Variants in SUCLG2 observed in about 807,000 individuals in gnomAD.
SUCLG2 encodes succinate-CoA ligase GDP-forming subunit beta, also known as succinate--CoA ligase [GDP-forming] subunit beta, mitochondrial.
Under a neutral mutation model 47.9 loss-of-function variants are expected in SUCLG2, and 42 were observed. That is an observed-to-expected ratio of 0.88 (90% CI 0.69 to 1.14). SUCLG2 has a LOEUF of 1.14. SUCLG2 is among the 50% of genes most tolerant of loss of function. SUCLG2 has a pLI of 0.00. For synonymous variants in SUCLG2, 195 were observed against 197.3 expected, an observed-to-expected ratio of 0.99 and a Z score of 0.10; for missense variants, 571 against 525.9, an observed-to-expected ratio of 1.09 and a Z score of -0.84.
chr3:67,491,230 G>GA (rs533129424), intron 9 of SUCLG2, among the ~76,000 whole-genome samples: 1,150 of 64,118 alleles, frequency 0.018, 9 homozygotes, highest in African/African-American at 0.028. Flanking sequence ...TAAGTCAGAA[G>GA]AAAAAAAAAA....
chr3:67,505,418 C>T (rs1196171455), intron 7 of SUCLG2, among the ~76,000 whole-genome samples: 1 of 152,142 alleles, frequency 6.6e-6, no homozygotes, highest in East Asian at 1.9e-4. Flanking sequence ...AACTACATTG[C>T]AGTTAGTAGT....
intron 2 of SUCLG2, among the ~76,000 whole-genome samples, chr3:67,542,234 T>C (rs1278216309): frequency 6.6e-6 from 1 of 152,104 alleles, no homozygotes; most frequent in East Asian, 1.9e-4. Flanking sequence ...CAAACTAAGT[T>C]TCATAAACGA....
chr3:67,492,980 A>G (rs1336835162), intron 9 of SUCLG2, among the ~76,000 whole-genome samples: 3 of 152,228 alleles, frequency 2.0e-5, no homozygotes, highest in Non-Finnish European at 4.4e-5. Context: ...GCAGTTGTAA[A>G]TATCAGTTGA....
intron 9 of SUCLG2, among the ~76,000 whole-genome samples, chr3:67,454,821 G>C (rs542004362): frequency 5.0e-4 from 76 of 152,016 alleles, no homozygotes; most frequent in Non-Finnish European, 9.9e-4. Flanking sequence ...AATTAGCCGG[G>C]CATGGTAGTG....
chr3:67,508,893 T>C lies in SUCLG2; in HGVS notation c.671A>G (p.Gln224Arg). Residue 224 changes from glutamine (Q) to arginine (R), a missense_variant, in exon 7 of 11, where the codon CAA becomes CGA. By Grantham distance (43) the Gln-to-Arg change is conservative. Transcript: ENST00000307227. Reference sequence around the variant, plus strand: ...GAAGAGATTATACAGCTTCGTAATTTGATCTGCAGCCTAAATGTGATCAAG... The same window carrying C: ...GAAGAGATTATACAGCTTCGTAATTCGATCTGCAGCCTAAATGTGATCAAG... Reference protein sequence around the residue: ...VGPLKSQAADQITKLYNLFLK... With the variant: ...VGPLKSQAADRITKLYNLFLK... The C allele has an allele frequency of 1.9e-6, 3 of 1,609,938 alleles. No homozygotes were observed. The highest frequency in any genetic ancestry group is 2.5e-6 in the Non-Finnish European group (3 of 1,178,378).
chr3:67,406,210 C>G lies in SUCLG2; in HGVS notation c.1063-5359G>C, dbSNP rs558128142. The stretch of plus-strand genomic sequence containing the variant: ...TCAGCTCTTTTTATTCAACATGATC[C>G]TGAGTCCCCTTAATGAAATAAAAAT... On this transcript the variant is annotated intron_variant, in intron 9 of 10. Transcript: ENST00000307227. Among the ~76,000 whole-genome samples the G allele has an allele frequency of 8.5e-5, 13 of 152,258 alleles. No homozygotes were observed. In the East Asian group the frequency reaches 1.7e-3, roughly 20 times the overall value.
At chr3:67,633,221 T>G (rs909238493) in intron 1 of SUCLG2, among the ~76,000 whole-genome samples, 4 of 152,240 alleles carry the variant, frequency 2.6e-5, no homozygotes, top group Admixed American at 2.0e-4. Context: ...ATTATTTTTT[T>G]GGGCTGTTTT....
intron 8 of SUCLG2, among the ~76,000 whole-genome samples, chr3:67,496,937 G>T (rs998931830): frequency 5.3e-5 from 8 of 152,276 alleles, no homozygotes; most frequent in African/African-American, 9.6e-5. Context: ...GGTTTACACA[G>T]AATCTTAAAA....
intron 2 of SUCLG2, among the ~76,000 whole-genome samples, chr3:67,559,233 G>A (rs1183010755): frequency 2.6e-5 from 4 of 152,124 alleles, no homozygotes; most frequent in African/African-American, 9.7e-5. Context: ...GGTCTTTTTC[G>A]ATTGTAGTAT....
At chr3:67,444,045 G>C (rs375535405) in intron 9 of SUCLG2, among the ~76,000 whole-genome samples, 2 of 89,438 alleles carry the variant, frequency 2.2e-5, no homozygotes, top group African/African-American at 3.7e-5. Flanking sequence ...CAGCCGCCCC[G>C]TCCGGGAGGG....
chr3:67,633,316 A>G (rs1182560815), intron 1 of SUCLG2, among the ~76,000 whole-genome samples: 1 of 152,192 alleles, frequency 6.6e-6, no homozygotes, highest in Non-Finnish European at 1.5e-5. Flanking sequence ...TATTTATTAT[A>G]TCAATATTCA....
At chr3:67,405,049 C>G (rs1012880240) in intron 9 of SUCLG2, among the ~76,000 whole-genome samples, 4 of 148,486 alleles carry the variant, frequency 2.7e-5, no homozygotes, top group African/African-American at 1.0e-4. Flanking sequence ...ATCCCAAGTG[C>G]TTTTGGGAAC....
chr3:67,459,578 C>T (rs1005547867), intron 9 of SUCLG2, among the ~76,000 whole-genome samples: 1 of 152,150 alleles, frequency 6.6e-6, no homozygotes, highest in Admixed American at 6.5e-5. Flanking sequence ...AGAAATTTAC[C>T]AGGGAAGAAC....
intron 2 of SUCLG2, among the ~76,000 whole-genome samples, chr3:67,536,146 A>C (rs921017018): frequency 1.3e-5 from 2 of 152,222 alleles, no homozygotes; most frequent in African/African-American, 4.8e-5. Context: ...CAGCCAGAAC[A>C]GCTCTTGGTG....
At chr3:67,392,874 T>A (rs66698903) in intron 10 of SUCLG2, among the ~76,000 whole-genome samples, 2 of 151,626 alleles carry the variant, frequency 1.3e-5, no homozygotes, top group South Asian at 2.1e-4. Context: ...GAGAATATTG[T>A]CATGATCATA....
chr3:67,427,852 A>G (rs1290385945), intron 9 of SUCLG2, among the ~76,000 whole-genome samples: 1 of 152,200 alleles, frequency 6.6e-6, no homozygotes, highest in African/African-American at 2.4e-5. Flanking sequence ...ACAACCATGG[A>G]GCCTCACTCA....
intron 2 of SUCLG2, among the ~76,000 whole-genome samples, chr3:67,556,943 G>A (rs1170459603): frequency 6.6e-6 from 1 of 152,210 alleles, no homozygotes; most frequent in African/African-American, 2.4e-5. Flanking sequence ...TGGGGAGTAT[G>A]AGATAACATA....
At chr3:67,591,567 G>C (rs1382858628) in intron 2 of SUCLG2, among the ~76,000 whole-genome samples, 1 of 152,100 alleles carries the variant, frequency 6.6e-6, no homozygotes, top group East Asian at 1.9e-4. Context: ...GTTTATCAGG[G>C]GGTTCTGCTT....
At chr3:67,619,305 T>C (rs1218745857) in intron 1 of SUCLG2, among the ~76,000 whole-genome samples, 1 of 152,158 alleles carries the variant, frequency 6.6e-6, no homozygotes, top group African/African-American at 2.4e-5. Context: ...AGAAGCTCAT[T>C]TTACAGATAA....
Sources: gnomAD v4.1 joint callset for allele counts (sites outside exome capture counted in the v4.1 genomes callset) on GRCh38, gnomAD v4.1.1 for gene constraint, MANE v1.5 for transcripts, NCBI Gene and HGNC (gene_info 2026-07-23, HGNC 2026-07-21) for gene names.